Variants in HIP1 observed in about 807,000 individuals in gnomAD.
HIP1 encodes huntingtin-interacting protein 1.
A neutral mutation model predicts 147.6 loss-of-function variants in HIP1; 65 were observed. The observed-to-expected ratio is 0.44, with a 90% CI of 0.36 to 0.54. HIP1 has a LOEUF of 0.54. Among genes scored for constraint, HIP1 ranks in the 20% least tolerant of loss-of-function variants. The pLI is 0.00. For missense variants in HIP1, 1,061 were observed against 1,299.6 expected, an observed-to-expected ratio of 0.82 and a Z score of 2.82; for synonymous variants, 479 against 504.0, an observed-to-expected ratio of 0.95 and a Z score of 0.67.
intron 1 of HIP1, among the ~76,000 whole-genome samples, chr7:75,621,026 T>C (rs1157559920): frequency 6.6e-6 from 1 of 151,974 alleles, no homozygotes; most frequent in East Asian, 1.9e-4. Context: ...GACCAGGAGC[T>C]TGAGAACAGT....
At chr7:75,610,265 G>C (rs1239849683) in intron 1 of HIP1, among the ~76,000 whole-genome samples, 1 of 149,264 alleles carries the variant, frequency 6.7e-6, no homozygotes, top group Non-Finnish European at 1.5e-5. Context: ...CTGGTGTGCA[G>C]TGATGTGATT....
chr7:75,701,725 C>T (rs972009781), intron 1 of HIP1, among the ~76,000 whole-genome samples: 6 of 151,870 alleles, frequency 4.0e-5, no homozygotes, highest in Non-Finnish European at 7.4e-5. Context: ...TGGTGGTGCA[C>T]ACCTGTAGTC....
At chr7:75,542,802 G>C in intron 28 of HIP1, 49 bp downstream of exon 28, 2 of 1,595,128 alleles carry the variant, frequency 1.3e-6, no homozygotes, top group Non-Finnish European at 1.7e-6. Context: ...AGGATGCAGA[G>C]AAGAGCTCAA....
chr7:75,539,391 C>A lies in HIP1; in HGVS notation c.2993G>T (p.Arg998Leu). ...TTTCCGAAGCTCTCCCAGTTTTTGA[C>A]GCTCCTTCTGCAATTCATTTTCTAG... ...LELENELQKE[R>L]QKLGELRKKH... The change falls in exon 30 of 31, where the codon CGT (arginine) becomes CTT (leucine). Residue 998 changes from arginine (R) to leucine (L), a missense_variant. This residue lies in a region of HIP1 where 810 missense variants were observed against 946.8 expected (regional missense o/e 0.86). Transcript: ENST00000336926. 2 of 1,614,148 alleles carry A rather than the reference C, an allele frequency of 1.2e-6. No individual in the cohort carries two copies. Among genetic ancestry groups the A allele is most frequent in the Non-Finnish European group, 1.7e-6 (2 of 1,179,986 alleles).
intron 1 of HIP1, among the ~76,000 whole-genome samples, chr7:75,619,905 T>G (rs1456086291): frequency 2.0e-5 from 3 of 152,216 alleles, no homozygotes; most frequent in Non-Finnish European, 2.9e-5. Flanking sequence ...TTCTAAAAGA[T>G]ACCACCCCTG....
At chr7:75,695,799 T>C (rs550019440) in intron 1 of HIP1, among the ~76,000 whole-genome samples, 267 of 152,162 alleles carry the variant, frequency 1.8e-3, no homozygotes, top group Admixed American at 3.2e-3. Context: ...GGTCTCGAAC[T>C]CCTGACCCCA....
intron 1 of HIP1, among the ~76,000 whole-genome samples, chr7:75,633,878 C>T (rs587620774): frequency 2.6e-5 from 4 of 152,240 alleles, no homozygotes; most frequent in East Asian, 1.9e-4. Flanking sequence ...CCCCTCTCAT[C>T]GGCCTGCTGG....
intron 1 of HIP1, among the ~76,000 whole-genome samples, chr7:75,609,694 A>G (rs782701093): frequency 1.3e-5 from 2 of 151,514 alleles, no homozygotes; most frequent in Non-Finnish European, 2.9e-5. Context: ...AGTAGCTGGG[A>G]CTACAGGTGT....
chr7:75,600,906 G>A (rs1256975848), intron 1 of HIP1, among the ~76,000 whole-genome samples: 5 of 151,928 alleles, frequency 3.3e-5, no homozygotes, highest in Admixed American at 6.6e-5. Flanking sequence ...GATTACTGGC[G>A]AATGACACCA....
chr7:75,651,460 C>CAAAAAAAAAA lies in HIP1; in HGVS notation c.121-52223_121-52214dup, dbSNP rs1168846001. On this transcript the variant is annotated intron_variant, in intron 1 of 30. Coordinates refer to ENST00000336926, the MANE Select transcript of HIP1 (RefSeq NM_005338.7). ...GGTTACAGAGTGAGACTCCATATCT[C>CAAAAAAAAAA]AAAAAAAAAAAAAAAAAAAAAAAAA... Among the ~76,000 whole-genome samples, 54 of 44,126 alleles carry CAAAAAAAAAA rather than the reference C, an allele frequency of 1.2e-3. 1 individual carries two copies. The highest frequency in any genetic ancestry group is 2.6e-3 in the African/African-American group (44 of 16,942). The allele number at this position is 44,126 out of a possible 152,430, so 28.9% of individuals were successfully genotyped here.
At chr7:75,583,805 T>TGTGTGTGTGTGTGTGTGTGTG (rs1554499082) in intron 5 of HIP1, among the ~76,000 whole-genome samples, 2 of 135,156 alleles carry the variant, frequency 1.5e-5, no homozygotes, top group African/African-American at 5.6e-5. Flanking sequence ...TGTGTGTGTG[T>TGTGTGTGTGTGTGTGTGTGTG]TTAGTAGAGA....
At chr7:75,565,731 CCTT>C (rs1795377412) in intron 9 of HIP1, among the ~76,000 whole-genome samples, 1 of 138,584 alleles carries the variant, frequency 7.2e-6, no homozygotes, top group East Asian at 2.1e-4. Flanking sequence ...CCCCTCCCCT[CCTT>C]TCCTTTTTTT....
At chr7:75,623,777 G>C (rs79387096) in intron 1 of HIP1, among the ~76,000 whole-genome samples, 2,336 of 152,178 alleles carry the variant, frequency 0.015, 19 homozygotes, top group East Asian at 0.065. Flanking sequence ...GGCTTGTAAA[G>C]TGTTTGAGGC....
intron 13 of HIP1, among the ~76,000 whole-genome samples, chr7:75,560,319 G>A (rs1426608564): frequency 6.6e-6 from 1 of 152,022 alleles, no homozygotes; most frequent in African/African-American, 2.4e-5. Flanking sequence ...GGTGATTATG[G>A]CTCACTGCAG....
intron 1 of HIP1, among the ~76,000 whole-genome samples, chr7:75,724,184 T>G (rs957712746): frequency 6.6e-6 from 1 of 151,760 alleles, no homozygotes; most frequent in African/African-American, 2.4e-5. Flanking sequence ...CTCGAACTCC[T>G]GACCTCAGGT....
At chr7:75,631,153 T>A (rs1798203629) in intron 1 of HIP1, among the ~76,000 whole-genome samples, 1 of 151,786 alleles carries the variant, frequency 6.6e-6, no homozygotes, top group African/African-American at 2.4e-5. Flanking sequence ...TTTTTTTTTT[T>A]AGTAGAGATA....
intron 1 of HIP1, among the ~76,000 whole-genome samples, chr7:75,654,120 C>T (rs898235091): frequency 3.3e-5 from 5 of 151,954 alleles, no homozygotes; most frequent in Non-Finnish European, 5.9e-5. Flanking sequence ...CATGGCCGGG[C>T]GCAGGGGCTC....
At chr7:75,647,211 CAAAAAAAAAAAAAAAAAAAAAAA>C (rs60972195) in intron 1 of HIP1, among the ~76,000 whole-genome samples, 11 of 58,004 alleles carry the variant, frequency 1.9e-4, no homozygotes, top group African/African-American at 6.2e-4. Flanking sequence ...ACTAAAAATA[CAAAAAAAAAAAAAAAAAAAAAAA>C]AAAAAAAAAA....
intron 22 of HIP1, among the ~76,000 whole-genome samples, chr7:75,552,377 TCTCA>T (rs1236495162): frequency 9.2e-5 from 14 of 152,138 alleles, no homozygotes; most frequent in African/African-American, 3.1e-4. Context: ...AGAGGCAGGG[TCTCA>T]CTCTGTTGCC....
Sources: allele counts gnomAD v4.1 joint callset (sites outside exome capture counted in the v4.1 genomes callset), GRCh38; gene constraint gnomAD v4.1.1; regional missense constraint gnomAD v4.1.1; transcripts MANE v1.5; gene names NCBI Gene and HGNC (gene_info 2026-07-23, HGNC 2026-07-21).